The following GLIS3 variants were observed in gnomAD, a reference collection of about 807,000 sequenced individuals.
The protein encoded by GLIS3 is zinc finger protein GLIS3.
A neutral mutation model predicts 78.6 loss-of-function variants in GLIS3; 53 were observed. That is an observed-to-expected ratio of 0.67 (90% CI 0.54 to 0.85). GLIS3 has a LOEUF of 0.85. GLIS3 is among the 40% of genes least tolerant of loss of function. GLIS3 has a pLI of 0.00. For missense variants in GLIS3, 1,703 were observed against 1,231.1 expected (o/e 1.38, Z -5.74); for synonymous variants, 684 against 509.9 (o/e 1.34, Z -4.60).
the GLIS3 span, among the ~76,000 whole-genome samples, chr9:4,482,350 GTTTAATGAGTTACAGT>G: frequency 6.6e-6 from 1 of 152,218 alleles, no homozygotes; most frequent in Non-Finnish European, 1.5e-5. Context: ...TGTCGTGAAA[GTTTAATGAGTTACAGT>G]TCTTTTCTTC....
chr9:4,352,868 A>G (rs888876597), upstream of GLIS3, among the ~76,000 whole-genome samples: 5 of 152,270 alleles, frequency 3.3e-5, no homozygotes, highest in East Asian at 9.6e-4. Flanking sequence ...TGTGAACTTT[A>G]AAAGAAAACC....
At chr9:4,193,426 T>C (rs1818510719) in intron 2 of GLIS3, among the ~76,000 whole-genome samples, 3 of 152,358 alleles carry the variant, frequency 2.0e-5, no homozygotes, top group African/African-American at 7.2e-5. Flanking sequence ...TCTATAATTT[T>C]GCTATCTGGC....
At chr9:4,335,846 C>G (rs1021319700) in intron 2 of GLIS3, among the ~76,000 whole-genome samples, 1 of 152,162 alleles carries the variant, frequency 6.6e-6, no homozygotes, top group Non-Finnish European at 1.5e-5. Flanking sequence ...TAAGGTGATT[C>G]TTCCCTCATT....
At chr9:4,021,218 TAAA>T in intron 4 of GLIS3, among the ~76,000 whole-genome samples, 1 of 152,308 alleles carries the variant, frequency 6.6e-6, no homozygotes. Context: ...ACATTAGAGA[TAAA>T]AACCAACTTT....
At chr9:4,022,110 T>C (rs1296801757) in intron 4 of GLIS3, among the ~76,000 whole-genome samples, 1 of 152,062 alleles carries the variant, frequency 6.6e-6, no homozygotes, top group African/African-American at 2.4e-5. Context: ...CTAGGCATTG[T>C]GTTAGGACCA....
rs1009788837 is a variant in GLIS3 at position 3,907,625 on chromosome 9, G to GAC, written c.1984-8792_1984-8791dup. 1.8e-3 allele frequency among the ~76,000 whole-genome samples: 185 copies of GAC among 102,342 alleles called. 3 individuals carry two copies. The highest frequency in any genetic ancestry group is 6.0e-3 in the African/African-American group (171 of 28,450). 67.1% of individuals were successfully genotyped at this position (102,342 alleles called of 152,430 possible). On this transcript the variant is annotated intron_variant, in intron 6 of 10. Coordinates refer to ENST00000381971, the MANE Select transcript of GLIS3 (RefSeq NM_001042413.2). Reference sequence around the variant, plus strand: ...CCCCAAACACACACACACACACACAGACACACACACACACACACACACACA... The same window carrying GAC: ...CCCCAAACACACACACACACACACAGACACACACACACACACACACACACACA...
chr9:4,170,758 T>A (rs1233135768), intron 2 of GLIS3, among the ~76,000 whole-genome samples: 1 of 152,164 alleles, frequency 6.6e-6, no homozygotes, highest in Non-Finnish European at 1.5e-5. Context: ...GTTCAGGGTG[T>A]GTGTTTTATT....
At position 4,118,539 on chromosome 9, in the gene GLIS3, C is replaced by T; in HGVS notation, c.939G>A (p.Gly313=). 6.2e-7 allele frequency: 1 copy of T among 1,614,242 alleles called. No individual in the cohort carries two copies. The highest frequency in any genetic ancestry group is 8.5e-7 in the Non-Finnish European group (1 of 1,180,038). ...LSLSPLSDGI[G]IDFNTIIRTS... ...TGCGGATGATGGTATTGAAATCTAT[C>T]CCGATGCCATCGGACAGCGGGGACA... is the stretch of plus-strand genomic sequence containing the variant. Residue 313 remains glycine (G), a synonymous_variant, in exon 4 of 11, where the codon GGG becomes GGA. Coordinates refer to ENST00000381971, the MANE Select transcript of GLIS3 (RefSeq NM_001042413.2). The surrounding 1 kb of genome is among the most constrained non-coding windows in gnomAD (Gnocchi z 4.7).
chr9:4,134,981 G>C (rs1181117159), intron 2 of GLIS3, among the ~76,000 whole-genome samples: 1 of 152,084 alleles, frequency 6.6e-6, no homozygotes, highest in Non-Finnish European at 1.5e-5. Flanking sequence ...AGGTCCACTG[G>C]ACTCTCACAC....
At chr9:4,259,949 C>A (rs983682779) in intron 2 of GLIS3, among the ~76,000 whole-genome samples, 22 of 152,330 alleles carry the variant, frequency 1.4e-4, no homozygotes, top group African/African-American at 5.1e-4. Flanking sequence ...TTTTCACCAG[C>A]AGACTTTGTC....
At position 3,826,946 on chromosome 9, in the gene GLIS3, G is replaced by A. The variant is rs927689315; in HGVS notation, c.*1326C>T. 5 of 152,146 alleles carry A rather than the reference G, an allele frequency of 3.3e-5. No homozygotes were observed. The highest frequency in any genetic ancestry group is 1.2e-4 in the African/African-American group (5 of 41,418). The allele number at this position is 152,146 out of a possible 1,614,324, so 9.4% of individuals were successfully genotyped here. A position where few individuals can be genotyped will look rare whatever the true frequency, so the allele number is the denominator to read the frequency against. On this transcript the variant is annotated 3_prime_UTR_variant, in exon 11 of 11. Transcript: ENST00000381971. Reference sequence around the variant, plus strand: ...TAGGATCTGTAATAGCTATGTAGAGGTGTCACAGAAAATGACTTCCTATTT... The same window carrying A: ...TAGGATCTGTAATAGCTATGTAGAGATGTCACAGAAAATGACTTCCTATTT...
rs1215892963 is a variant in GLIS3, at chr9:3,856,029, G to A, written c.2453C>T (p.Pro818Leu). The A allele has an allele frequency of 6.2e-7, 1 of 1,613,990 alleles. No homozygotes were observed. The highest frequency in any genetic ancestry group is 1.3e-5 in the African/African-American group (1 of 74,914). Residue 818 changes from proline to leucine, a missense_variant, in exon 9 of 11, where the codon CCA (proline) becomes CTA (leucine). Pro to Leu is a moderately conservative substitution (Grantham distance 98, BLOSUM62 -3). Coordinates refer to ENST00000381971, the MANE Select transcript of GLIS3 (RefSeq NM_001042413.2). Reference sequence around the variant, plus strand: ...CTTACCATGGACATGGATACCATTTGGTTGAAAAGAAGAGTTTGTTTCTGG... The same window carrying A: ...CTTACCATGGACATGGATACCATTTAGTTGAAAAGAAGAGTTTGTTTCTGG... ...YQPETNSSFQ[P>L]NGIHVHGFYG...
rs147700411 is a variant in GLIS3, at chr9:3,918,010, C to T, written c.1983+14350G>A. 2.3e-3 allele frequency among the ~76,000 whole-genome samples: 349 copies of T among 152,280 alleles called. 4 individuals carry two copies. The highest frequency in any genetic ancestry group is 8.2e-3 in the African/African-American group (340 of 41,548). ...AATTTCAGGTGGGGGTGGTAAGGAA[C>T]GTCTATCAAATCATGAGATAACTGA... On this transcript the variant is annotated intron_variant, in intron 6 of 10. Transcript: ENST00000381971.
chr9:4,335,183 C>T (rs981126092), intron 2 of GLIS3, among the ~76,000 whole-genome samples: 2 of 152,170 alleles, frequency 1.3e-5, no homozygotes. Flanking sequence ...GCTGGGATTA[C>T]AGGCATGAGC....
chr9:4,446,245 A>G, the GLIS3 span, among the ~76,000 whole-genome samples: 46 of 152,270 alleles, frequency 3.0e-4, no homozygotes, highest in African/African-American at 1.0e-3. Flanking sequence ...TTCCCTAATG[A>G]ATGGGATTAT....
intron 4 of GLIS3, among the ~76,000 whole-genome samples, chr9:4,038,940 G>A (rs960317057): frequency 1.3e-5 from 2 of 152,222 alleles, no homozygotes; most frequent in Non-Finnish European, 1.5e-5. Context: ...TTCCCCAACT[G>A]AGGAACTAAC....
chr9:3,903,022 A>G (rs2380909), intron 6 of GLIS3, among the ~76,000 whole-genome samples: 22,663 of 152,170 alleles, frequency 0.15, 1,945 homozygotes, highest in Non-Finnish European at 0.19. Flanking sequence ...GTAAGTTCCA[A>G]CTTATGCAGG....
At chr9:3,996,922 G>C (rs1478851868) in intron 4 of GLIS3, among the ~76,000 whole-genome samples, 1 of 152,128 alleles carries the variant, frequency 6.6e-6, no homozygotes, top group Non-Finnish European at 1.5e-5. Flanking sequence ...GATGACAAAT[G>C]ATAAGTGTCT....
Position 4,209,036 on chromosome 9 carries a change from C to T in GLIS3, c.388+77002G>A, listed in dbSNP as rs1184986570. Among the ~76,000 whole-genome samples, 3 of 152,304 alleles carry T rather than the reference C, an allele frequency of 2.0e-5. No homozygotes were observed. The East Asian group carries it at 5.8e-4, about 29-fold the overall frequency. ...ACATAAAGTTGCATCCATGCTACTGCTCATGCCAGGTGTATCATAAGATAT... is the reference window on the plus strand; with the variant it reads ...ACATAAAGTTGCATCCATGCTACTGTTCATGCCAGGTGTATCATAAGATAT... On this transcript the variant is annotated intron_variant, in intron 2 of 10. Transcript: ENST00000381971.
Sources: allele counts gnomAD v4.1 joint callset (sites outside exome capture counted in the v4.1 genomes callset), GRCh38; gene constraint gnomAD v4.1.1; non-coding constraint Gnocchi (gnomAD v3.1); transcripts MANE v1.5; gene names NCBI Gene and HGNC (gene_info 2026-07-23, HGNC 2026-07-21).